Variants in CLINT1 observed in about 807,000 individuals in gnomAD.
CLINT1 encodes the protein clathrin interacting protein localized in the trans-Golgi region.
Under a neutral mutation model 70.4 loss-of-function variants are expected in CLINT1, and 15 were observed. The ratio of observed to expected loss-of-function variants is 0.21; its 90% CI spans 0.14 to 0.33. CLINT1 has a LOEUF of 0.33. Ranked by LOEUF, CLINT1 falls within the 10% of genes least tolerant of loss-of-function variation. The probability of loss-of-function intolerance (pLI) is 1.00; values close to 1 mark genes in which losing one functional copy is unlikely to be tolerated. For missense variants in CLINT1, 615 were observed against 778.1 expected (o/e 0.79, Z 2.49); for synonymous variants, 227 against 254.7 (o/e 0.89, Z 1.04).
At position 157,806,013 on chromosome 5, in the gene CLINT1, T is replaced by C. The variant is rs1762373809; in HGVS notation, c.795A>G (p.Thr265=). The change falls in exon 7 of 12, where the codon ACA becomes ACG. Residue 265 remains threonine, a synonymous_variant. Transcript: ENST00000411809. ...TGGTTGTGGTGGTCTCTGTGGCCTG[T>C]GTGATATGAATATGCTTTGTCGTCA... ...ETVTTKHIHI[T]QATETTTTRH... is the part of the protein sequence containing the mutation. The C allele has an allele frequency of 1.9e-6, 3 of 1,613,990 alleles. No homozygotes were observed. The highest frequency in any genetic ancestry group is 2.2e-5 in the East Asian group (1 of 44,882).
At chr5:157,833,133 T>C (rs1187448787) in intron 1 of CLINT1, among the ~76,000 whole-genome samples, 1 of 152,100 alleles carries the variant, frequency 6.6e-6, no homozygotes, top group Non-Finnish European at 1.5e-5. Flanking sequence ...GGCAGATCAC[T>C]TGAGGTCAGG....
intron 6 of CLINT1, 38 bp downstream of exon 6, chr5:157,809,588 GCT>G (rs200831400): frequency 0.014 from 21,064 of 1,511,308 alleles, 253 homozygotes; most frequent in Non-Finnish European, 0.015. Flanking sequence ...TAAATTTAGG[GCT>G]CTTTCTAAGA....
intron 1 of CLINT1, among the ~76,000 whole-genome samples, chr5:157,852,938 C>T (rs1753623473): frequency 6.6e-6 from 1 of 152,294 alleles, no homozygotes; most frequent in Non-Finnish European, 1.5e-5. Flanking sequence ...CCAAAGGTAG[C>T]TGAGACTAAA....
chr5:157,829,847 T>C (rs1763168763), intron 1 of CLINT1, among the ~76,000 whole-genome samples: 1 of 151,820 alleles, frequency 6.6e-6, no homozygotes, highest in South Asian at 2.1e-4. Flanking sequence ...CCCGCCAATA[T>C]TAAACATTTC....
intron 1 of CLINT1, among the ~76,000 whole-genome samples, chr5:157,838,269 C>T (rs530903845): frequency 6.6e-6 from 1 of 151,946 alleles, no homozygotes; most frequent in Non-Finnish European, 1.5e-5. Flanking sequence ...ATTGCAGGCA[C>T]CTGCCACCAC....
intron 6 of CLINT1, among the ~76,000 whole-genome samples, chr5:157,808,452 C>G (rs1432018677): frequency 6.6e-6 from 1 of 152,024 alleles, no homozygotes; most frequent in East Asian, 1.9e-4. Context: ...TTAGGCAAGT[C>G]CACACAGTGT....
chr5:157,832,943 G>A (rs565134965), intron 1 of CLINT1, among the ~76,000 whole-genome samples: 4 of 152,234 alleles, frequency 2.6e-5, no homozygotes, highest in South Asian at 4.1e-4. Context: ...TCTCTACTTC[G>A]ACTCATCTTC....
intron 1 of CLINT1, among the ~76,000 whole-genome samples, chr5:157,851,223 T>G (rs529269273): frequency 3.9e-5 from 6 of 152,322 alleles, no homozygotes; most frequent in South Asian, 4.1e-4. Context: ...GCTATTTGAA[T>G]GAGAATTCTT....
rs1347030612 is a variant in CLINT1, at chr5:157,787,756, T to C, written c.1768A>G (p.Met590Val). 1 of 1,614,004 alleles carries C rather than the reference T, an allele frequency of 6.2e-7. No individual in the cohort carries two copies. Among genetic ancestry groups the C allele is most frequent in the South Asian group, 1.1e-5 (1 of 91,086 alleles). The stretch of plus-strand genomic sequence containing the variant: ...ATTCCCATTGTGCCTGTCAAGCCCA[T>C]CCCAGCAGCGGACATCCCTATGTTC... The part of the protein sequence containing the change: ...NMNIGMSAAG[M>V]GLTGTMGMGM... Residue 590 changes from methionine (M) to valine (V), a missense_variant, in exon 12 of 12, where the codon ATG (methionine) becomes GTG (valine). This residue lies in a region of CLINT1 where 374 missense variants were observed against 409.6 expected (regional missense o/e 0.91). Transcript: ENST00000411809.
chr5:157,787,441 T>C lies in CLINT1; in HGVS notation c.*205A>G, dbSNP rs2113112503. On this transcript the variant is annotated 3_prime_UTR_variant, in exon 12 of 12. Coordinates refer to ENST00000411809, the MANE Select transcript of CLINT1 (RefSeq NM_014666.4). The stretch of plus-strand genomic sequence containing the variant: ...CTATCCTCACTGGAAAAAAATGATT[T>C]TGACTGCCTCATCTGAAGTGCTCTT... 1.7e-6 allele frequency: 1 copy of C among 591,804 alleles called. No individual in the cohort carries two copies. The highest frequency in any genetic ancestry group is 3.0e-6 in the Non-Finnish European group (1 of 335,820). 36.7% of individuals were successfully genotyped at this position (591,804 alleles called of 1,614,324 possible).
At chr5:157,826,492 G>C (rs535167418) in intron 1 of CLINT1, among the ~76,000 whole-genome samples, 1 of 149,920 alleles carries the variant, frequency 6.7e-6, no homozygotes, top group East Asian at 2.0e-4. Context: ...TTAACTACCA[G>C]CACAAGAGGC....
intron 1 of CLINT1, among the ~76,000 whole-genome samples, chr5:157,854,310 G>A (rs1230582379): frequency 2.0e-5 from 3 of 152,172 alleles, no homozygotes; most frequent in Admixed American, 6.5e-5. Flanking sequence ...TAGACCAGGC[G>A]CAATGGCTCC....
chr5:157,832,147 G>A (rs539794980), intron 1 of CLINT1, among the ~76,000 whole-genome samples: 17 of 151,580 alleles, frequency 1.1e-4, no homozygotes, highest in East Asian at 3.9e-4. Context: ...GCTGCCACGC[G>A]AATTTTTGTA....
At chr5:157,809,592 T>C (rs748015820) in intron 6 of CLINT1, 36 bp downstream of exon 6, 2 of 1,539,094 alleles carry the variant, frequency 1.3e-6, no homozygotes, top group South Asian at 1.3e-5. Context: ...TTTAGGGCTC[T>C]TTCTAAGAGA....
Position 157,801,591 on chromosome 5 carries a change from G to T in CLINT1, c.1012+2059C>A, listed in dbSNP as rs527778675. On this transcript the variant is annotated intron_variant, in intron 8 of 11. Transcript: ENST00000411809. ...CTCACACCTGTAATCCCAGCACTTC[G>T]GGAGGCTGAGGCAGGCAGATCACCT... Among the ~76,000 whole-genome samples, 14 of 152,012 alleles carry T rather than the reference G, an allele frequency of 9.2e-5. No individual in the cohort carries two copies. The East Asian group carries it at 1.7e-3, about 19-fold the overall frequency.
At chr5:157,853,732 G>A (rs1281889001) in intron 1 of CLINT1, among the ~76,000 whole-genome samples, 5 of 125,166 alleles carry the variant, frequency 4.0e-5, no homozygotes, top group Non-Finnish European at 4.7e-5. Flanking sequence ...AGCCAATATC[G>A]CACCATTGCA....
chr5:157,844,370 G>A (rs1753297024), intron 1 of CLINT1, among the ~76,000 whole-genome samples: 1 of 152,110 alleles, frequency 6.6e-6, no homozygotes, highest in Admixed American at 6.5e-5. Flanking sequence ...ATCATCTTGT[G>A]TCATTTTCTA....
At chr5:157,801,224 T>C (rs7732474) in intron 8 of CLINT1, among the ~76,000 whole-genome samples, 20,373 of 152,146 alleles carry the variant, frequency 0.13, 1,793 homozygotes, top group African/African-American at 0.25. Flanking sequence ...GAAAGTAGGC[T>C]GGCCAGGCAT....
At position 157,794,951 on chromosome 5, in the gene CLINT1, C is replaced by T. The variant is rs1158364429; in HGVS notation, c.1034G>A (p.Gly345Glu). Residue 345 changes from glycine to glutamate, a missense_variant, in exon 9 of 12, where the codon GGA becomes GAA. This residue lies in a region of CLINT1 where 374 missense variants were observed against 409.6 expected (regional missense o/e 0.91). Coordinates refer to ENST00000411809, the MANE Select transcript of CLINT1 (RefSeq NM_014666.4). ...QSTGGSADLF[G>E]GFADFGSAAA... is the part of the protein sequence containing the mutation. ...AGCTGAGCCAAAGTCAGCAAATCCT[C>T]CGAATAAATCAGCTGATCCTCCTAG... is the stretch of plus-strand genomic sequence containing the variant. The T allele has an allele frequency of 6.4e-7, 1 of 1,554,604 alleles. No individual in the cohort carries two copies. The highest frequency in any genetic ancestry group is 8.7e-7 in the Non-Finnish European group (1 of 1,148,486).
Sources: gnomAD v4.1 joint callset for allele counts (sites outside exome capture counted in the v4.1 genomes callset) on GRCh38, gnomAD v4.1.1 for gene constraint, gnomAD v4.1.1 regional missense constraint, MANE v1.5 for transcripts, NCBI Gene and HGNC (gene_info 2026-07-23, HGNC 2026-07-21) for gene names.